SLC35F3: variants seen among roughly 807,000 people sequenced by gnomAD.
SLC35F3 encodes the protein putative thiamine transporter SLC35F3.
A neutral mutation model predicts 49.9 loss-of-function variants in SLC35F3; 25 were observed. The observed-to-expected ratio is 0.50, with a 90% CI of 0.37 to 0.70. The LOEUF (loss-of-function observed/expected upper bound fraction) is 0.70. SLC35F3 is among the 30% of genes least tolerant of loss of function. The probability of loss-of-function intolerance (pLI) is 0.00; values close to 1 mark genes in which losing one functional copy is unlikely to be tolerated. For synonymous variants in SLC35F3, 275 were observed against 265.4 expected, an observed-to-expected ratio of 1.04 and a Z score of -0.35; for missense variants, 525 against 639.8, an observed-to-expected ratio of 0.82 and a Z score of 1.94.
rs780963951 is a variant in SLC35F3 at position 233,905,779 on chromosome 1, G to A, written c.283+21G>A. ...CAAAAGTAAGACCCCCTCACGTCATGTTTCCCGTTCACTGGTCCATCTTCT... is the reference window on the plus strand; with the variant it reads ...CAAAAGTAAGACCCCCTCACGTCATATTTCCCGTTCACTGGTCCATCTTCT... On this transcript the variant is annotated intron_variant, in intron 2 of 7. Transcript: ENST00000366618. 2.5e-6 allele frequency: 4 copies of A among 1,588,216 alleles called. No homozygotes were observed. In the South Asian group the frequency reaches 4.5e-5, roughly 18 times the overall value.
chr1:234,296,267 CA>C (rs750739714), intron 3 of SLC35F3, among the ~76,000 whole-genome samples: 1 of 151,284 alleles, frequency 6.6e-6, no homozygotes, highest in African/African-American at 2.4e-5. Flanking sequence ...ACGTCCATCG[CA>C]AAAAAATCAC....
intron 2 of SLC35F3, among the ~76,000 whole-genome samples, chr1:233,997,400 C>T (rs1027382871): frequency 2.0e-5 from 3 of 152,164 alleles, no homozygotes; most frequent in Non-Finnish European, 2.9e-5. Context: ...CTTTTCTCCA[C>T]CTCCTCATCT....
chr1:234,194,920 G>A lies in SLC35F3; in HGVS notation c.284-36497G>A, dbSNP rs74367354. On this transcript the variant is annotated intron_variant, in intron 2 of 7. Transcript: ENST00000366618. ...GGAGCAATTAGGGCGACAGACAGAT[G>A]ACGGGTTTCTACATGTTTGGAAAGA... Among the ~76,000 whole-genome samples, 1,203 of 152,312 alleles carry A rather than the reference G, an allele frequency of 7.9e-3. 19 individuals are homozygous for A. The highest frequency in any genetic ancestry group is 0.027 in the African/African-American group (1,138 of 41,552).
At position 234,132,956 on chromosome 1, in the gene SLC35F3, C is replaced by T. The variant is rs1399160496; in HGVS notation, c.284-98461C>T. Among the ~76,000 whole-genome samples, 5 of 152,204 alleles carry T rather than the reference C, an allele frequency of 3.3e-5. No homozygotes were observed. In the South Asian group the frequency reaches 6.2e-4, roughly 19 times the overall value. On this transcript the variant is annotated intron_variant, in intron 2 of 7. Coordinates refer to ENST00000366618, the MANE Select transcript of SLC35F3 (RefSeq NM_173508.4). ...CTGTTCAAAGTGTTTAATCATTTAA[C>T]ACTCATAATACCTTGATGAGGTAAG...
At chr1:234,127,218 T>C (rs1456671020) in intron 2 of SLC35F3, among the ~76,000 whole-genome samples, 1 of 152,234 alleles carries the variant, frequency 6.6e-6, no homozygotes, top group African/African-American at 2.4e-5. Flanking sequence ...TCAATTTTTC[T>C]GTGCTCACTT....
Position 234,108,575 on chromosome 1 carries a change from A to ATT in SLC35F3, c.284-122841_284-122840insTT, listed in dbSNP as rs1208347678. ...TATATATAAAAGATATATATTATTT[A>ATT]TATATATAAAAGATATACATATAAA... On this transcript the variant is annotated intron_variant, in intron 2 of 7. Coordinates refer to ENST00000366618, the MANE Select transcript of SLC35F3 (RefSeq NM_173508.4). 6.8e-4 allele frequency among the ~76,000 whole-genome samples: 50 copies of ATT among 73,356 alleles called. 1 individual carries two copies. The East Asian group carries it at 0.046, about 68-fold the overall frequency. 48.1% of individuals were successfully genotyped at this position (73,356 alleles called of 152,430 possible).
chr1:234,034,358 A>G (rs543593159), intron 2 of SLC35F3, among the ~76,000 whole-genome samples: 2 of 152,258 alleles, frequency 1.3e-5, no homozygotes, highest in South Asian at 4.2e-4. Context: ...TGATTGTTCC[A>G]GCTAGGACTT....
At chr1:234,200,017 G>C (rs903793929) in intron 2 of SLC35F3, among the ~76,000 whole-genome samples, 1 of 152,128 alleles carries the variant, frequency 6.6e-6, no homozygotes, top group Admixed American at 6.6e-5. Context: ...AGAGTAACAG[G>C]GACAACACAC....
intron 2 of SLC35F3, among the ~76,000 whole-genome samples, chr1:234,171,858 C>G (rs1008319002): frequency 2.0e-5 from 3 of 152,116 alleles, no homozygotes; most frequent in Admixed American, 2.0e-4. Flanking sequence ...TTACCTTGAT[C>G]TGATCACTAT....
intron 2 of SLC35F3, among the ~76,000 whole-genome samples, chr1:234,014,922 A>G (rs997451195): frequency 2.0e-5 from 3 of 152,262 alleles, no homozygotes; most frequent in Non-Finnish European, 2.9e-5. Context: ...TACAGATTCA[A>G]TGCAATCCTT....
chr1:234,106,298 C>A (rs558340742), intron 2 of SLC35F3, among the ~76,000 whole-genome samples: 1 of 152,152 alleles, frequency 6.6e-6, no homozygotes, highest in Non-Finnish European at 1.5e-5. Context: ...AGGATTTCTT[C>A]CATGATAAAA....
intron 2 of SLC35F3, among the ~76,000 whole-genome samples, chr1:233,961,422 T>C (rs574293028): frequency 9.1e-4 from 137 of 149,828 alleles, no homozygotes; most frequent in African/African-American, 3.2e-3. Flanking sequence ...GACTGACGTG[T>C]CCTCATTTCA....
At chr1:234,168,809 G>A (rs745949872) in intron 2 of SLC35F3, among the ~76,000 whole-genome samples, 4 of 152,236 alleles carry the variant, frequency 2.6e-5, no homozygotes, top group Non-Finnish European at 5.9e-5. Flanking sequence ...CTCCCTCTAG[G>A]CAGGAGCAGA....
At chr1:234,050,063 G>C (rs1558214886) in intron 2 of SLC35F3, among the ~76,000 whole-genome samples, 1 of 152,182 alleles carries the variant, frequency 6.6e-6, no homozygotes, top group Non-Finnish European at 1.5e-5. Flanking sequence ...TTGGTTCCAA[G>C]TCTTTGCTAT....
chr1:234,290,550 G>A (rs1266267579), intron 3 of SLC35F3, among the ~76,000 whole-genome samples: 2 of 152,180 alleles, frequency 1.3e-5, no homozygotes, highest in African/African-American at 2.4e-5. Context: ...ACTGCCCCAT[G>A]TCCTGGAGTT....
At chr1:233,940,402 A>G (rs1662401403) in intron 2 of SLC35F3, among the ~76,000 whole-genome samples, 1 of 152,072 alleles carries the variant, frequency 6.6e-6, no homozygotes, top group African/African-American at 2.4e-5. Flanking sequence ...AGAGATAGGA[A>G]TAAAACAATT....
chr1:234,044,845 A>T (rs1263994403), intron 2 of SLC35F3, among the ~76,000 whole-genome samples: 1 of 152,024 alleles, frequency 6.6e-6, no homozygotes, highest in East Asian at 1.9e-4. Context: ...GGTAGTTATC[A>T]TATGTTTTTC....
At chr1:234,168,178 A>G (rs1050054961) in intron 2 of SLC35F3, among the ~76,000 whole-genome samples, 4 of 152,214 alleles carry the variant, frequency 2.6e-5, no homozygotes, top group African/African-American at 9.6e-5. Context: ...TGCAGACTCA[A>G]TGCCAGGGTC....
intron 2 of SLC35F3, among the ~76,000 whole-genome samples, chr1:234,131,375 A>G (rs1156624768): frequency 6.6e-6 from 1 of 152,188 alleles, no homozygotes; most frequent in Non-Finnish European, 1.5e-5. Context: ...TGAAGGTCAT[A>G]GGAAGGCTGT....
Sources: allele counts gnomAD v4.1 joint callset (sites outside exome capture counted in the v4.1 genomes callset), GRCh38; gene constraint gnomAD v4.1.1; transcripts MANE v1.5; gene names NCBI Gene and HGNC (gene_info 2026-07-23, HGNC 2026-07-21).